AP3B1: variants seen among roughly 807,000 people sequenced by gnomAD.
AP3B1 encodes adaptor related protein complex 3 subunit beta 1, also known as AP-3 complex subunit beta-1.
In AP3B1, 61 loss-of-function variants were observed where a neutral mutation model predicts 132.5. The observed-to-expected ratio is 0.46, with a 90% confidence interval of 0.37 to 0.57. AP3B1 has a LOEUF of 0.57. Ranked by LOEUF, AP3B1 falls within the 20% of genes least tolerant of loss-of-function variation. The probability of loss-of-function intolerance (pLI) is 0.00; values close to 1 mark genes in which losing one functional copy is unlikely to be tolerated. For missense variants in AP3B1, 1,120 were observed against 1,289.4 expected (o/e 0.87, Z 2.01); for synonymous variants, 388 against 438.3 (o/e 0.89, Z 1.43).
At chr5:78,096,475 G>T (rs1317029591) in intron 21 of AP3B1, among the ~76,000 whole-genome samples, 2 of 142,890 alleles carry the variant, frequency 1.4e-5, no homozygotes, top group African/African-American at 5.3e-5. Flanking sequence ...GCCGCCCATC[G>T]TCTGGGATGT....
chr5:78,202,049 T>C (rs571767589), intron 7 of AP3B1, among the ~76,000 whole-genome samples: 11 of 152,238 alleles, frequency 7.2e-5, no homozygotes, highest in African/African-American at 2.6e-4. Flanking sequence ...TGGGAGGTAA[T>C]TGAATCATGG....
intron 15 of AP3B1, among the ~76,000 whole-genome samples, chr5:78,129,823 C>A (rs796963713): frequency 2.5e-4 from 38 of 152,150 alleles, no homozygotes; most frequent in African/African-American, 8.7e-4. Context: ...GAATTATGAC[C>A]CATTAAAGCA....
chr5:78,294,678 G>A lies in AP3B1; in HGVS notation c.-99C>T, dbSNP rs879663355. ...GGAACAAAACTAGTTCTCGTACGGA[G>A]GAGCGCGCGCAGGCGCTTCCGGACT... On this transcript the variant is annotated 5_prime_UTR_variant, in exon 1 of 27. Transcript: ENST00000255194. 3 of 1,586,884 alleles carry A rather than the reference G, an allele frequency of 1.9e-6. No homozygotes were observed. The highest frequency in any genetic ancestry group is 2.2e-5 in the East Asian group (1 of 44,668).
chr5:78,256,016 G>A (rs542928423), intron 2 of AP3B1, among the ~76,000 whole-genome samples: 15 of 151,670 alleles, frequency 9.9e-5, no homozygotes, highest in Non-Finnish European at 1.9e-4. Context: ...AATTAAGAAA[G>A]AAACTGAAAA....
chr5:78,045,349 C>T (rs1580276889), intron 22 of AP3B1, among the ~76,000 whole-genome samples: 1 of 117,630 alleles, frequency 8.5e-6, no homozygotes, highest in African/African-American at 3.3e-5. Flanking sequence ...CCACTGTCCT[C>T]AAGTCTGGGT....
intron 14 of AP3B1, among the ~76,000 whole-genome samples, chr5:78,151,007 C>T (rs893091436): frequency 8.5e-5 from 13 of 152,178 alleles, no homozygotes; most frequent in Non-Finnish European, 1.3e-4. Flanking sequence ...TAGCCTCCAC[C>T]TCCCATGTTC....
At chr5:78,103,513 A>G (rs999194864) in intron 20 of AP3B1, among the ~76,000 whole-genome samples, 3 of 152,204 alleles carry the variant, frequency 2.0e-5, no homozygotes, top group Admixed American at 6.5e-5. Context: ...AACCAAACAC[A>G]TTGACAGATC....
intron 7 of AP3B1, among the ~76,000 whole-genome samples, chr5:78,214,462 T>C (rs1745875835): frequency 6.6e-6 from 1 of 152,196 alleles, no homozygotes; most frequent in Non-Finnish European, 1.5e-5. Flanking sequence ...AAGTACACTA[T>C]ATATTTTAAC....
intron 1 of AP3B1, among the ~76,000 whole-genome samples, chr5:78,274,864 T>C (rs1748704796): frequency 6.6e-6 from 1 of 152,106 alleles, no homozygotes; most frequent in Non-Finnish European, 1.5e-5. Flanking sequence ...AGTTCAAGGC[T>C]GCAGTGAGCT....
chr5:78,274,579 C>G (rs12653028), intron 1 of AP3B1, among the ~76,000 whole-genome samples: 4,668 of 152,082 alleles, frequency 0.031, 122 homozygotes, highest in East Asian at 0.14. Flanking sequence ...ACACCAGGTA[C>G]AGCATAGTCA....
intron 11 of AP3B1, among the ~76,000 whole-genome samples, chr5:78,167,717 G>A (rs932472874): frequency 6.6e-6 from 1 of 151,784 alleles, no homozygotes; most frequent in African/African-American, 2.4e-5. Context: ...GGCATTCACA[G>A]AAACTAGATA....
intron 8 of AP3B1, among the ~76,000 whole-genome samples, chr5:78,179,554 C>T (rs1033455022): frequency 1.3e-5 from 2 of 152,076 alleles, no homozygotes; most frequent in African/African-American, 2.4e-5. Flanking sequence ...AAATATACAA[C>T]CTTATAGACC....
intron 20 of AP3B1, among the ~76,000 whole-genome samples, chr5:78,103,064 AT>A (rs1418920635): frequency 1.3e-5 from 2 of 152,204 alleles, no homozygotes; most frequent in South Asian, 4.1e-4. Flanking sequence ...TTTCTACTGA[AT>A]TGGAAAACCC....
chr5:78,258,115 G>A (rs1747926063), intron 2 of AP3B1, among the ~76,000 whole-genome samples: 1 of 152,194 alleles, frequency 6.6e-6, no homozygotes, highest in Non-Finnish European at 1.5e-5. Context: ...GATTTCTTGA[G>A]TAATACCCCA....
At chr5:78,032,337 G>T (rs181857717) in intron 24 of AP3B1, among the ~76,000 whole-genome samples, 1 of 152,154 alleles carries the variant, frequency 6.6e-6, no homozygotes, top group Admixed American at 6.5e-5. Context: ...ATAATTTTAT[G>T]TATCGATTTG....
At chr5:78,014,496 C>T (rs1746775234) in intron 26 of AP3B1, among the ~76,000 whole-genome samples, 1 of 152,152 alleles carries the variant, frequency 6.6e-6, no homozygotes, top group South Asian at 2.1e-4. Flanking sequence ...AGAGTTAGAT[C>T]TAAAACCCAA....
intron 26 of AP3B1, among the ~76,000 whole-genome samples, chr5:78,010,916 C>T (rs1746593815): frequency 6.6e-6 from 1 of 151,980 alleles, no homozygotes; most frequent in Non-Finnish European, 1.5e-5. Context: ...AGATATTCAG[C>T]TACATATTTA....
At chr5:78,281,106 T>C (rs892029227) in intron 1 of AP3B1, among the ~76,000 whole-genome samples, 30 of 152,208 alleles carry the variant, frequency 2.0e-4, no homozygotes, top group Non-Finnish European at 4.3e-4. Context: ...ATCACTTAAG[T>C]TTTATGTGAT....
At chr5:78,031,906 A>C (rs1747593948) in intron 24 of AP3B1, among the ~76,000 whole-genome samples, 1 of 152,158 alleles carries the variant, frequency 6.6e-6, no homozygotes, top group Non-Finnish European at 1.5e-5. Context: ...TCAGTTCTCT[A>C]ACTAGCACTA....
Sources: allele counts gnomAD v4.1 joint callset (sites outside exome capture counted in the v4.1 genomes callset), GRCh38; gene constraint gnomAD v4.1.1; transcripts MANE v1.5; gene names NCBI Gene and HGNC (gene_info 2026-07-23, HGNC 2026-07-21).